The following OSBPL1A variants were observed in gnomAD, a reference collection of about 807,000 sequenced individuals.
OSBPL1A encodes the protein oxysterol-binding protein-related protein 1.
A neutral mutation model predicts 137.1 loss-of-function variants in OSBPL1A; 80 were observed. That is an observed-to-expected ratio of 0.58 (90% CI 0.49 to 0.70). The LOEUF (loss-of-function observed/expected upper bound fraction) is 0.70, where lower values mean the gene tolerates loss of function less well. Among genes scored for constraint, OSBPL1A ranks in the 30% least tolerant of loss-of-function variants. The pLI, the probability that OSBPL1A is intolerant of heterozygous loss-of-function variation, is 0.00. For missense variants in OSBPL1A, 970 were observed against 1,129.4 expected, an observed-to-expected ratio of 0.86 and a Z score of 2.02; for synonymous variants, 365 against 389.7, an observed-to-expected ratio of 0.94 and a Z score of 0.75.
At chr18:24,230,502 C>T (rs1293268533) in intron 16 of OSBPL1A, among the ~76,000 whole-genome samples, 1 of 152,178 alleles carries the variant, frequency 6.6e-6, no homozygotes, top group African/African-American at 2.4e-5. Flanking sequence ...AATGAGCTAG[C>T]TATCATGTTG....
intron 1 of OSBPL1A, among the ~76,000 whole-genome samples, chr18:24,377,851 TAC>T (rs1181760948): frequency 1.3e-5 from 2 of 152,202 alleles, no homozygotes; most frequent in Non-Finnish European, 2.9e-5. Flanking sequence ...TTCTGTCAAA[TAC>T]ATAGTATTAT....
chr18:24,339,684 T>TA (rs2146152515), intron 5 of OSBPL1A, among the ~76,000 whole-genome samples: 1 of 152,316 alleles, frequency 6.6e-6, no homozygotes, highest in Non-Finnish European at 1.5e-5. Flanking sequence ...CAGTACCTCA[T>TA]CCTCCCTATT....
intron 17 of OSBPL1A, among the ~76,000 whole-genome samples, chr18:24,196,885 C>T (rs529718016): frequency 2.6e-5 from 4 of 152,290 alleles, no homozygotes; most frequent in Admixed American, 6.5e-5. Context: ...CAAGGGATGA[C>T]GGCTGCCTGG....
At chr18:24,297,523 G>T (rs2090314453) in intron 14 of OSBPL1A, among the ~76,000 whole-genome samples, 2 of 152,084 alleles carry the variant, frequency 1.3e-5, no homozygotes. Context: ...TTTAATGCAG[G>T]CATTAAACGC....
intron 15 of OSBPL1A, among the ~76,000 whole-genome samples, chr18:24,265,722 G>A (rs1314911841): frequency 6.6e-6 from 1 of 152,170 alleles, no homozygotes; most frequent in African/African-American, 2.4e-5. Flanking sequence ...GTTGTCACCG[G>A]AGCATAGCAT....
At chr18:24,357,137 G>A (rs555570369) in intron 4 of OSBPL1A, 2 of 152,290 alleles carry the variant, frequency 1.3e-5, no homozygotes, top group African/African-American at 2.4e-5. Flanking sequence ...AATCATTTTA[G>A]ATTTATTTGC....
chr18:24,370,677 TC>T (rs1445673919), intron 2 of OSBPL1A, among the ~76,000 whole-genome samples: 1 of 152,222 alleles, frequency 6.6e-6, no homozygotes, highest in Non-Finnish European at 1.5e-5. Context: ...CTAATCATTT[TC>T]TTTTTTCAAG....
At chr18:24,303,588 G>A (rs1487377) in intron 14 of OSBPL1A, 49 bp downstream of exon 14, 323,199 of 1,436,954 alleles carry the variant, frequency 0.22, 40,384 homozygotes, top group African/African-American at 0.49. Flanking sequence ...CAACAGGTCA[G>A]TATCTATGTG....
Position 24,164,991 on chromosome 18 carries a change from C to G in OSBPL1A, c.2750+74G>C, listed in dbSNP as rs2086112004. ...GGCCCTTGCTCTGGGGTCACAGTGT[C>G]TGGCATCCCTGCCTCGTCTGCACAC... On this transcript the variant is annotated intron_variant, in intron 27 of 27. Coordinates refer to ENST00000319481, the MANE Select transcript of OSBPL1A (RefSeq NM_080597.4). 24 of 1,465,368 alleles carry G rather than the reference C, an allele frequency of 1.6e-5. No homozygotes were observed. In the South Asian group the frequency reaches 2.7e-4, roughly 16 times the overall value. The allele number at this position is 1,465,368 out of a possible 1,614,324, so 90.8% of individuals were successfully genotyped here.
At chr18:24,173,918 C>A (rs56072922) in intron 21 of OSBPL1A, among the ~76,000 whole-genome samples, 13,658 of 152,278 alleles carry the variant, frequency 0.09, 758 homozygotes, top group Middle Eastern at 0.26. Flanking sequence ...GGATCTCCAA[C>A]TCACTCCTTA....
intron 4 of OSBPL1A, among the ~76,000 whole-genome samples, chr18:24,346,837 T>A (rs2091353829): frequency 6.6e-6 from 1 of 151,934 alleles, no homozygotes; most frequent in South Asian, 2.1e-4. Flanking sequence ...AGCTCCTGGC[T>A]CAAGAGATCT....
At chr18:24,320,118 A>C (rs1345880665) in intron 7 of OSBPL1A, among the ~76,000 whole-genome samples, 1 of 152,096 alleles carries the variant, frequency 6.6e-6, no homozygotes, top group African/African-American at 2.4e-5. Context: ...GGGTGGTTTA[A>C]AATAATAATA....
intron 1 of OSBPL1A, among the ~76,000 whole-genome samples, chr18:24,378,403 TA>T (rs1214778549): frequency 6.6e-6 from 1 of 152,220 alleles, no homozygotes; most frequent in Non-Finnish European, 1.5e-5. Context: ...CAATATCAAA[TA>T]AACTTCAAAA....
At chr18:24,229,310 A>T (rs1450841349) in intron 16 of OSBPL1A, among the ~76,000 whole-genome samples, 1 of 152,182 alleles carries the variant, frequency 6.6e-6, no homozygotes, top group Non-Finnish European at 1.5e-5. Context: ...GGAATCATAA[A>T]CTCTGAGCTT....
In OSBPL1A at chr18:24,238,495, T is replaced by C. The variant is rs149205315; in HGVS notation, c.1444+725A>G. 7.7e-4 allele frequency among the ~76,000 whole-genome samples: 117 copies of C among 152,320 alleles called. 1 individual carries two copies. The highest frequency in any genetic ancestry group is 2.4e-3 in the African/African-American group (101 of 41,576). On this transcript the variant is annotated intron_variant, in intron 16 of 27. Transcript: ENST00000319481. Reference sequence around the variant, plus strand: ...CGTGCATTCCCCATTTTTTTAGCACTGAGTATCACCAGGCACTGTTCTAAC... The same window carrying C: ...CGTGCATTCCCCATTTTTTTAGCACCGAGTATCACCAGGCACTGTTCTAAC...
intron 24 of OSBPL1A, among the ~76,000 whole-genome samples, chr18:24,169,287 C>T (rs2086215285): frequency 6.6e-6 from 1 of 152,214 alleles, no homozygotes; most frequent in African/African-American, 2.4e-5. Context: ...ATAAATACAC[C>T]TTCTGCTTTT....
At position 24,216,820 on chromosome 18, in the gene OSBPL1A, G is replaced by A. The variant is rs567671843; in HGVS notation, c.1601+8222C>T. Among the ~76,000 whole-genome samples, 212 of 151,674 alleles carry A rather than the reference G, an allele frequency of 1.4e-3. 1 individual carries two copies. Among genetic ancestry groups the A allele is most frequent in the African/African-American group, 4.9e-3 (203 of 41,366 alleles). On this transcript the variant is annotated intron_variant, in intron 17 of 27. Coordinates refer to ENST00000319481, the MANE Select transcript of OSBPL1A (RefSeq NM_080597.4). ...TCCGAGGAATAAGACTACAAACAAC[G>A]GTCAATGCAGTAGCAATGAACATCC...
chr18:24,170,260 T>C (rs1326741217), intron 24 of OSBPL1A, 67 bp downstream of exon 24: 1 of 1,575,024 alleles, frequency 6.3e-7, no homozygotes, highest in Non-Finnish European at 8.7e-7. Flanking sequence ...ACAGGCCACC[T>C]CCAAAAGGAT....
intron 16 of OSBPL1A, 132 bp from the exon 17 acceptor site, chr18:24,225,330 T>G: frequency 4.8e-6 from 4 of 834,924 alleles, no homozygotes; most frequent in Non-Finnish European, 7.4e-6. Context: ...ATCCATCTGT[T>G]AACTACCTCC....
Sources: allele counts gnomAD v4.1 joint callset (sites outside exome capture counted in the v4.1 genomes callset), GRCh38; gene constraint gnomAD v4.1.1; transcripts MANE v1.5; gene names NCBI Gene and HGNC (gene_info 2026-07-23, HGNC 2026-07-21).